NSD1: variants seen among roughly 807,000 people sequenced by gnomAD.
NSD1 encodes the protein nuclear receptor binding SET domain protein 1.
NSD1 carries 26 observed loss-of-function variants against 242.7 expected under a neutral mutation model. That is an observed-to-expected ratio of 0.11 (90% CI 0.08 to 0.15). The LOEUF (loss-of-function observed/expected upper bound fraction) is 0.15, where lower values mean the gene tolerates loss of function less well. NSD1 is among the 10% of genes least tolerant of loss of function. The pLI is 1.00. For missense variants in NSD1, 2,495 were observed against 3,272.8 expected (o/e 0.76, Z 5.80); for synonymous variants, 1,106 against 1,178.1 (o/e 0.94, Z 1.25).
intron 14 of NSD1, chr5:177,265,203 GA>G: frequency 1.3e-6 from 1 of 780,800 alleles, no homozygotes; most frequent in Non-Finnish European, 2.3e-6. Context: ...GAAGGAGTCT[GA>G]GCTGCTGGAA....
chr5:177,214,643 A>G (rs1352980369), intron 5 of NSD1, among the ~76,000 whole-genome samples: 1 of 149,054 alleles, frequency 6.7e-6, no homozygotes, highest in Non-Finnish European at 1.5e-5. Flanking sequence ...AGGTTCATCC[A>G]TGTTGTAGCA....
intron 21 of NSD1, among the ~76,000 whole-genome samples, chr5:177,289,328 A>C (rs771160684): frequency 6.6e-6 from 1 of 152,176 alleles, no homozygotes; most frequent in Non-Finnish European, 1.5e-5. Flanking sequence ...CTCAAAAAAA[A>C]AAAGAAAAAT....
intron 2 of NSD1, among the ~76,000 whole-genome samples, chr5:177,187,648 G>A (rs981674148): frequency 1.3e-5 from 2 of 152,122 alleles, no homozygotes; most frequent in African/African-American, 4.8e-5. Context: ...ATCTGTCCCT[G>A]TCCCTCTCCT....
Position 177,189,352 on chromosome 5 carries a change from C to T in NSD1, c.928-2532C>T, listed in dbSNP as rs554217939. On this transcript the variant is annotated intron_variant, in intron 2 of 22. Transcript: ENST00000439151. ...TGGCTATTGTCTTTACCTGATACCACTGACATTCTTTCTCCTCTGTCTATT... is the reference window on the plus strand; with the variant it reads ...TGGCTATTGTCTTTACCTGATACCATTGACATTCTTTCTCCTCTGTCTATT... 3.3e-5 allele frequency among the ~76,000 whole-genome samples: 5 copies of T among 152,298 alleles called. No homozygotes were observed. The East Asian group carries it at 7.7e-4, about 23-fold the overall frequency.
In NSD1 at chr5:177,181,479, G is replaced by A. The variant is rs1278301669; in HGVS notation, c.928-10405G>A. Among the ~76,000 whole-genome samples, 7 of 139,640 alleles carry A rather than the reference G, an allele frequency of 5.0e-5. No individual in the cohort carries two copies. In the East Asian group the frequency reaches 6.8e-4, roughly 14 times the overall value. The allele number at this position is 139,640 out of a possible 152,430, so 91.6% of individuals were successfully genotyped here. ...CTCACCTTGTCACCCAGGCTGGAGC[G>A]CATTGGCACAATCTCATCTCACTGC... On this transcript the variant is annotated intron_variant, in intron 2 of 22. Transcript: ENST00000439151.
chr5:177,260,260 C>G (rs1434849065), intron 14 of NSD1, 92 bp downstream of exon 14: 2 of 1,222,626 alleles, frequency 1.6e-6, no homozygotes, highest in African/African-American at 3.0e-5. Flanking sequence ...CATATTGCCA[C>G]TGGAAAAAAT....
chr5:177,138,011 G>A (rs1756480231), intron 2 of NSD1, among the ~76,000 whole-genome samples: 1 of 151,534 alleles, frequency 6.6e-6, no homozygotes, highest in Non-Finnish European at 1.5e-5. Flanking sequence ...GGAGGCAGAG[G>A]TTGCAGTGAG....
At chr5:177,247,741 C>G (rs1010900990) in intron 10 of NSD1, among the ~76,000 whole-genome samples, 3 of 152,130 alleles carry the variant, frequency 2.0e-5, no homozygotes, top group Non-Finnish European at 2.9e-5. Flanking sequence ...TTGATATTAT[C>G]TTCGGGTTTC....
At chr5:177,232,697 T>C (rs1765153885) in intron 5 of NSD1, among the ~76,000 whole-genome samples, 1 of 152,260 alleles carries the variant, frequency 6.6e-6, no homozygotes, top group South Asian at 2.1e-4. Context: ...CTCCTTGCAT[T>C]ATTCATTGTG....
At chr5:177,191,416 C>T (rs574911591) in intron 2 of NSD1, among the ~76,000 whole-genome samples, 27 of 152,198 alleles carry the variant, frequency 1.8e-4, no homozygotes, top group African/African-American at 4.1e-4. Flanking sequence ...ATTGTTAATA[C>T]GCTAATAGAA....
intron 5 of NSD1, among the ~76,000 whole-genome samples, chr5:177,226,478 A>G (rs1400770547): frequency 2.0e-5 from 3 of 152,188 alleles, no homozygotes; most frequent in African/African-American, 4.8e-5. Context: ...ATAAATTGCT[A>G]TCGAGGTTTA....
intron 10 of NSD1, 100 bp from the exon 11 acceptor site, chr5:177,248,081 T>G: frequency 6.4e-7 from 1 of 1,564,180 alleles, no homozygotes; most frequent in Non-Finnish European, 8.6e-7. Flanking sequence ...TGAACATCTG[T>G]AAGTGCTTAA....
intron 17 of NSD1, among the ~76,000 whole-genome samples, chr5:177,279,079 G>A (rs530461574): frequency 2.0e-5 from 3 of 152,296 alleles, no homozygotes; most frequent in African/African-American, 7.2e-5. Context: ...TATAAGCTGG[G>A]TGTGGTGATA....
At chr5:177,201,932 C>A (rs964012533) in intron 3 of NSD1, among the ~76,000 whole-genome samples, 1 of 151,316 alleles carries the variant, frequency 6.6e-6, no homozygotes, top group African/African-American at 2.4e-5. Flanking sequence ...TTTGGGAGGC[C>A]GAGGCGGGCG....
At chr5:177,206,840 A>G (rs1289400672) in intron 4 of NSD1, among the ~76,000 whole-genome samples, 3 of 145,482 alleles carry the variant, frequency 2.1e-5, no homozygotes, top group Non-Finnish European at 3.0e-5. Context: ...GCATTAGTGG[A>G]TATGTGTTTC....
Position 177,251,747 on chromosome 5 carries a change from T to A in NSD1, c.4659T>A (p.Gly1553=). The change falls in exon 12 of 23, where the codon GGT becomes GGA. Residue 1553 remains glycine, a synonymous_variant. Coordinates refer to ENST00000439151, the MANE Select transcript of NSD1 (RefSeq NM_022455.5). The part of the protein sequence containing the change: ...ENVCQNCEKL[G]ELLLCEAQCC... ...CTTAACAGAATTGTGAAAAATTGGG[T>A]GAGCTGCTGTTATGTGAGGCTCAGT... is the stretch of plus-strand genomic sequence containing the variant. The A allele has an allele frequency of 6.2e-7, 1 of 1,613,628 alleles. No individual in the cohort carries two copies. Among genetic ancestry groups the A allele is most frequent in the East Asian group, 2.2e-5 (1 of 44,882 alleles).
intron 15 of NSD1, 43 bp downstream of exon 15, chr5:177,267,761 T>C (rs1436923778): frequency 6.3e-7 from 1 of 1,588,470 alleles, no homozygotes; most frequent in Middle Eastern, 1.7e-4. Context: ...CCATCCTCTG[T>C]TTCTTGAGAC....
chr5:177,151,678 C>T (rs928451450), intron 2 of NSD1, among the ~76,000 whole-genome samples: 2 of 149,832 alleles, frequency 1.3e-5, no homozygotes, highest in African/African-American at 2.5e-5. Context: ...CATGAGCCAC[C>T]GTGCGTGTCC....
chr5:177,185,803 A>ATT (rs1562171472), intron 2 of NSD1, among the ~76,000 whole-genome samples: 18 of 70,950 alleles, frequency 2.5e-4, no homozygotes, highest in African/African-American at 1.4e-3. Flanking sequence ...ATATATATAT[A>ATT]TATAAATTTA....
Sources: allele counts gnomAD v4.1 joint callset (sites outside exome capture counted in the v4.1 genomes callset), GRCh38; gene constraint gnomAD v4.1.1; transcripts MANE v1.5; gene names NCBI Gene and HGNC (gene_info 2026-07-23, HGNC 2026-07-21).